The following HTR1F variants were observed in gnomAD, a reference collection of about 807,000 sequenced individuals.
The protein encoded by HTR1F is 5-hydroxytryptamine receptor 1F.
Under a neutral mutation model 24.0 loss-of-function variants are expected in HTR1F, and 17 were observed. The ratio of observed to expected loss-of-function variants is 0.71; its 90% confidence interval spans 0.48 to 1.06. HTR1F has a LOEUF of 1.06. HTR1F is among the 50% of genes least tolerant of loss of function. The pLI, the probability that HTR1F is intolerant of heterozygous loss-of-function variation, is 0.00. For missense variants in HTR1F, 391 were observed against 427.8 expected, an observed-to-expected ratio of 0.91 and a Z score of 0.76; for synonymous variants, 186 against 156.8, an observed-to-expected ratio of 1.19 and a Z score of -1.39.
intron 2 of HTR1F, among the ~76,000 whole-genome samples, chr3:87,832,530 G>C (rs1442409190): frequency 6.6e-6 from 1 of 152,076 alleles, no homozygotes; most frequent in East Asian, 1.9e-4. Context: ...GTTTCACCCT[G>C]TTGCCCAGGC....
intron 2 of HTR1F, among the ~76,000 whole-genome samples, chr3:87,922,925 C>A (rs559847301): frequency 1.4e-5 from 2 of 139,386 alleles, no homozygotes; most frequent in Non-Finnish European, 3.1e-5. Context: ...AAGTCTTCAA[C>A]CCATTTCGAG....
intron 2 of HTR1F, among the ~76,000 whole-genome samples, chr3:87,849,965 C>A (rs1469568264): frequency 2.0e-5 from 3 of 151,838 alleles, no homozygotes; most frequent in African/African-American, 7.3e-5. Context: ...ACAACAGGTG[C>A]TGGAGAGGAT....
At chr3:87,887,076 T>C (rs372956058) in intron 2 of HTR1F, among the ~76,000 whole-genome samples, 1 of 152,110 alleles carries the variant, frequency 6.6e-6, no homozygotes, top group African/African-American at 2.4e-5. Context: ...CTTCAAACTA[T>C]ACTACAAGGC....
intron 1 of HTR1F, among the ~76,000 whole-genome samples, chr3:87,812,588 G>C (rs375323938): frequency 6.6e-6 from 1 of 152,212 alleles, no homozygotes; most frequent in African/African-American, 2.4e-5. Flanking sequence ...ATTTCAACCT[G>C]CTGCAGAAAT....
At chr3:87,968,931 C>A (rs1705225300) in intron 2 of HTR1F, among the ~76,000 whole-genome samples, 2 of 152,218 alleles carry the variant, frequency 1.3e-5, no homozygotes, top group South Asian at 4.1e-4. Flanking sequence ...CCACTCTAGC[C>A]ATGGCTAAAA....
At chr3:87,933,514 T>C (rs1359913155) in intron 2 of HTR1F, among the ~76,000 whole-genome samples, 1 of 152,188 alleles carries the variant, frequency 6.6e-6, no homozygotes, top group Non-Finnish European at 1.5e-5. Context: ...AGTCTCAGGA[T>C]ATAAAATCAA....
intron 2 of HTR1F, among the ~76,000 whole-genome samples, chr3:87,929,292 C>G (rs1349148327): frequency 1.3e-5 from 2 of 150,040 alleles, no homozygotes; most frequent in Non-Finnish European, 2.9e-5. Flanking sequence ...AGTTCTTCAT[C>G]AGGGCAGAGC....
chr3:87,796,616 G>A (rs1475457986), intron 1 of HTR1F, among the ~76,000 whole-genome samples: 1 of 152,162 alleles, frequency 6.6e-6, no homozygotes, highest in Admixed American at 6.6e-5. Flanking sequence ...TAGTGGAATA[G>A]GGAAAAATCC....
intron 2 of HTR1F, among the ~76,000 whole-genome samples, chr3:87,950,523 A>G (rs996983716): frequency 6.6e-6 from 1 of 151,846 alleles, no homozygotes. Flanking sequence ...ATTTTTTTAC[A>G]GATTTATCTT....
chr3:87,986,647 A>C (rs923680309), intron 2 of HTR1F, among the ~76,000 whole-genome samples: 1 of 152,138 alleles, frequency 6.6e-6, no homozygotes, highest in African/African-American at 2.4e-5. Context: ...TCTTTCTGAC[A>C]CTTTCTCCTG....
At chr3:87,903,691 T>C (rs1046892767) in intron 2 of HTR1F, among the ~76,000 whole-genome samples, 2 of 151,950 alleles carry the variant, frequency 1.3e-5, no homozygotes, top group African/African-American at 2.4e-5. Flanking sequence ...TGTAAACTAG[T>C]TCAACCCTTG....
chr3:87,978,894 A>G (rs13061379), intron 2 of HTR1F, among the ~76,000 whole-genome samples: 790 of 25,262 alleles, frequency 0.031, 2 homozygotes, highest in Non-Finnish European at 0.043. Flanking sequence ...GGGAGGGAGG[A>G]AGGAAGGAAG....
intron 2 of HTR1F, among the ~76,000 whole-genome samples, chr3:87,823,514 A>ATT (rs1491511505): frequency 4.1e-5 from 5 of 121,428 alleles, no homozygotes; most frequent in African/African-American, 1.8e-4. Flanking sequence ...AACTGGTCCC[A>ATT]TATTTTTTTT....
In HTR1F at chr3:87,950,827, T is replaced by C. The variant is rs183698140; in HGVS notation, c.-42-39881T>C. On this transcript the variant is annotated intron_variant, in intron 2 of 2. Coordinates refer to ENST00000319595, the MANE Select transcript of HTR1F (RefSeq NM_001322209.2). ...AAATGTCATTACTGGTCAAGTGTTC[T>C]TTAAGAACACTGTCTGAATTAATAC... Among the ~76,000 whole-genome samples, 16 of 152,306 alleles carry C rather than the reference T, an allele frequency of 1.1e-4. 1 individual carries two copies. The East Asian group carries it at 3.1e-3, about 29-fold the overall frequency.
rs1478908468 is a variant in HTR1F at position 87,802,231 on chromosome 3, CCCTCCCTT to C, written c.-160+9393_-160+9400del. On this transcript the variant is annotated intron_variant, in intron 1 of 2. Coordinates refer to ENST00000319595, the MANE Select transcript of HTR1F (RefSeq NM_001322209.2). Reference sequence around the variant, plus strand: ...TCCCTCCCTCCCTCTCTCCCTCCCTCCCTCCCTTCCTTCCTTCCTTCCTTCTTTTTCTT... The same window carrying C: ...TCCCTCCCTCCCTCTCTCCCTCCCTCCCTTCCTTCCTTCCTTCTTTTTCTT... Among the ~76,000 whole-genome samples the C allele has an allele frequency of 2.0e-4, 12 of 58,838 alleles. 1 individual carries two copies. The highest frequency in any genetic ancestry group is 9.7e-4 in the East Asian group (2 of 2,068). The allele number at this position is 58,838 out of a possible 152,430, so 38.6% of individuals were successfully genotyped here.
intron 2 of HTR1F, among the ~76,000 whole-genome samples, chr3:87,932,813 A>G (rs1704314700): frequency 6.6e-6 from 1 of 151,958 alleles, no homozygotes; most frequent in Admixed American, 6.6e-5. Flanking sequence ...AAGCTATTCC[A>G]ATCAATAGAA....
chr3:87,798,920 C>A (rs553313610), intron 1 of HTR1F, among the ~76,000 whole-genome samples: 13 of 152,254 alleles, frequency 8.5e-5, no homozygotes, highest in South Asian at 2.1e-4. Flanking sequence ...GTTTGGTGAT[C>A]CTCTTCCATT....
At chr3:87,847,398 C>T (rs867013360) in intron 2 of HTR1F, among the ~76,000 whole-genome samples, 8 of 151,736 alleles carry the variant, frequency 5.3e-5, no homozygotes, top group Middle Eastern at 6.4e-3. Context: ...TCTATATTTT[C>T]TATTGTATTG....
chr3:87,852,272 TC>T (rs1559605922), intron 2 of HTR1F, among the ~76,000 whole-genome samples: 1 of 151,748 alleles, frequency 6.6e-6, no homozygotes, highest in African/African-American at 2.4e-5. Flanking sequence ...TTTATCATCT[TC>T]ATTACAAATT....
Sources: allele counts gnomAD v4.1 joint callset (sites outside exome capture counted in the v4.1 genomes callset), GRCh38; gene constraint gnomAD v4.1.1; transcripts MANE v1.5; gene names NCBI Gene and HGNC (gene_info 2026-07-23, HGNC 2026-07-21).